LZTFL1: variants seen among roughly 807,000 people sequenced by gnomAD.
LZTFL1 encodes the protein leucine zipper transcription factor-like protein 1.
LZTFL1 carries 25 observed loss-of-function variants against 45.9 expected under a neutral mutation model. The observed-to-expected ratio is 0.54, with a 90% confidence interval of 0.40 to 0.76. LZTFL1 has a LOEUF of 0.76. LZTFL1 is among the 30% of genes least tolerant of loss of function. LZTFL1 has a pLI of 0.00. For missense variants in LZTFL1, 277 were observed against 331.1 expected, an observed-to-expected ratio of 0.84 and a Z score of 1.27; for synonymous variants, 93 against 117.4, an observed-to-expected ratio of 0.79 and a Z score of 1.35.
chr3:45,826,151 T>C lies in LZTFL1; in HGVS notation c.*163A>G. 1.5e-6 allele frequency: 1 copy of C among 647,506 alleles called. No homozygotes were observed. The highest frequency in any genetic ancestry group is 2.7e-5 in the East Asian group (1 of 36,390). The allele number at this position is 647,506 out of a possible 1,614,324, so 40.1% of individuals were successfully genotyped here. A position where few individuals can be genotyped will look rare whatever the true frequency, so the allele number is the denominator to read the frequency against. On this transcript the variant is annotated 3_prime_UTR_variant, in exon 10 of 10. Coordinates refer to ENST00000296135, the MANE Select transcript of LZTFL1 (RefSeq NM_020347.4). ...AGACAGAATCACTAGGTTTTCTCTG[T>C]TTTCAACTAGCTGAAAATAGGAACT...
chr3:45,913,245 C>T, intron 1 of LZTFL1: 2 of 1,109,286 alleles, frequency 1.8e-6, no homozygotes, highest in Non-Finnish European at 2.6e-6. Flanking sequence ...ACCAGTGCTG[C>T]AATGAGCTGA....
At chr3:45,883,814 G>T in intron 2 of LZTFL1, 1 of 534,558 alleles carries the variant, frequency 1.9e-6, no homozygotes, top group Admixed American at 2.6e-5. Flanking sequence ...ACCATGAAGA[G>T]TGAGAGTTGC....
At chr3:45,859,826 A>T (rs199859008) in intron 2 of LZTFL1, among the ~76,000 whole-genome samples, 1 of 152,006 alleles carries the variant, frequency 6.6e-6, no homozygotes. Context: ...TAGTAGAGAC[A>T]GGGTTTCACC....
At chr3:45,886,297 C>A (rs186522730) in intron 2 of LZTFL1, among the ~76,000 whole-genome samples, 9 of 152,344 alleles carry the variant, frequency 5.9e-5, no homozygotes, top group Non-Finnish European at 7.4e-5. Context: ...CTGTAAGCAG[C>A]TGTGCTGTCT....
chr3:45,878,500 G>A (rs57319220), intron 2 of LZTFL1, among the ~76,000 whole-genome samples: 17,143 of 151,984 alleles, frequency 0.11, 1,219 homozygotes, highest in African/African-American at 0.2. Flanking sequence ...GGGGCAGGGT[G>A]AGGCTGGGGG....
At chr3:45,842,511 T>C (rs1386930), upstream of LZTFL1, among the ~76,000 whole-genome samples, 84,201 of 151,782 alleles carry the variant, frequency 0.55, 23,666 homozygotes, top group East Asian at 0.7. Flanking sequence ...TACCTGAGCA[T>C]CAGGGTGGCT....
Position 45,842,061 on chromosome 3 carries a change from G to C in LZTFL1, c.-70C>G, listed in dbSNP as rs1701134875. The C allele has an allele frequency of 6.3e-7, 1 of 1,597,444 alleles. No homozygotes were observed. The highest frequency in any genetic ancestry group is 8.5e-7 in the Non-Finnish European group (1 of 1,174,032). ...GCGGTGCCCCGCCAAGCCTGGGATC[G>C]CCGAGGGTAGTTGGACCACAGAAAA... is the stretch of plus-strand genomic sequence containing the variant. On this transcript the variant is annotated 5_prime_UTR_variant, in exon 1 of 10. Coordinates refer to ENST00000296135, the MANE Select transcript of LZTFL1 (RefSeq NM_020347.4).
intron 4 of LZTFL1, chr3:45,854,901 A>G: frequency 1.0e-6 from 1 of 952,714 alleles, no homozygotes; most frequent in Non-Finnish European, 1.6e-6. Context: ...TGTCCCATTC[A>G]TCTAATCTGG....
rs919571118 is a variant in LZTFL1 at position 45,874,356 on chromosome 3, C to T, written c.-214-15340G>A. On this transcript the variant is annotated intron_variant, in intron 2 of 4. Coordinates refer to the LZTFL1 transcript ENST00000472635. ...ATGTTGCTCTCCCGTGTACTTGCTG[C>T]TAAGTCCTTTATTTAATATATGACC... Among the ~76,000 whole-genome samples the T allele has an allele frequency of 3.9e-5, 6 of 152,326 alleles. No individual in the cohort carries two copies. In the East Asian group the frequency reaches 9.6e-4, roughly 24 times the overall value.
chr3:45,898,407 T>C (rs1053817972), intron 2 of LZTFL1, among the ~76,000 whole-genome samples: 3 of 152,204 alleles, frequency 2.0e-5, no homozygotes, highest in African/African-American at 7.2e-5. Context: ...AGAAGAAACA[T>C]CTCTAAGTGT....
chr3:45,870,746 T>C (rs1326288768), intron 2 of LZTFL1, among the ~76,000 whole-genome samples: 1 of 152,244 alleles, frequency 6.6e-6, no homozygotes, highest in Admixed American at 6.5e-5. Flanking sequence ...AACACTCTCA[T>C]AGTAAAGCAC....
At chr3:45,910,810 A>AAT (rs1702780996) in intron 2 of LZTFL1, among the ~76,000 whole-genome samples, 1 of 152,242 alleles carries the variant, frequency 6.6e-6, no homozygotes, top group Non-Finnish European at 1.5e-5. Context: ...GTATAAAAAC[A>AAT]ATAACCATTT....
Position 45,835,570 on chromosome 3 carries a change from G to A in LZTFL1, c.323+20C>T, listed in dbSNP as rs368274759. On this transcript the variant is annotated intron_variant, in intron 3 of 9. Coordinates refer to ENST00000296135, the MANE Select transcript of LZTFL1 (RefSeq NM_020347.4). ...TGCTTGGGCCATTATTGTCACAGTT[G>A]CAAGTTCAAATTTTATTACCGGTTT... 1.9e-6 allele frequency: 3 copies of A among 1,606,698 alleles called. No individual in the cohort carries two copies. Among genetic ancestry groups the A allele is most frequent in the Admixed American group, 3.3e-5 (2 of 59,882 alleles).
At chr3:45,872,589 T>C (rs1024582146) in intron 2 of LZTFL1, among the ~76,000 whole-genome samples, 18 of 152,170 alleles carry the variant, frequency 1.2e-4, no homozygotes, top group Admixed American at 9.2e-4. Flanking sequence ...GCCCCATCCG[T>C]AGGGTTTCTC....
chr3:45,841,193 G>C (rs1313123151), intron 1 of LZTFL1, among the ~76,000 whole-genome samples: 2 of 152,222 alleles, frequency 1.3e-5, no homozygotes, highest in Non-Finnish European at 2.9e-5. Flanking sequence ...CTCCCAGACA[G>C]CGCTTGGAAC....
chr3:45,904,208 T>C (rs1702634796), intron 2 of LZTFL1, among the ~76,000 whole-genome samples: 1 of 152,236 alleles, frequency 6.6e-6, no homozygotes, highest in Non-Finnish European at 1.5e-5. Context: ...AATGAATTAA[T>C]ATCTTTATAA....
At position 45,913,120 on chromosome 3, in the gene LZTFL1, C is replaced by T. The variant is rs576250528; in HGVS notation, c.-215G>A. 17 of 1,536,054 alleles carry T rather than the reference C, an allele frequency of 1.1e-5. No individual in the cohort carries two copies. The African/African-American group carries it at 1.4e-4, about 12-fold the overall frequency. ...TGTTCTGTAAATGGTTCAGACTTACCATCTTCCCTGGGTCTTGGTTCCTCA... is the reference window on the plus strand; with the variant it reads ...TGTTCTGTAAATGGTTCAGACTTACTATCTTCCCTGGGTCTTGGTTCCTCA... On this transcript the variant is annotated splice_region_variant and 5_prime_UTR_variant, in exon 2 of 5. Transcript: ENST00000472635.
chr3:45,839,125 T>C (rs150658057), intron 1 of LZTFL1, among the ~76,000 whole-genome samples: 51 of 152,218 alleles, frequency 3.4e-4, no homozygotes, highest in Middle Eastern at 3.4e-3. Flanking sequence ...GTCTCGCTCT[T>C]TCACCCAGGC....
intron 2 of LZTFL1, among the ~76,000 whole-genome samples, chr3:45,885,736 T>C (rs1701964072): frequency 6.6e-6 from 1 of 152,244 alleles, no homozygotes; most frequent in African/African-American, 2.4e-5. Context: ...CATTTTTCTT[T>C]TTTGATACAG....
Sources: gnomAD v4.1 joint callset for allele counts (sites outside exome capture counted in the v4.1 genomes callset) on GRCh38, gnomAD v4.1.1 for gene constraint, MANE v1.5 for transcripts, NCBI Gene and HGNC (gene_info 2026-07-23, HGNC 2026-07-21) for gene names.